CACNA1E: variants seen among roughly 807,000 people sequenced by gnomAD.
The protein encoded by CACNA1E is calcium voltage-gated channel subunit alpha1 E.
Under a neutral mutation model 259.2 loss-of-function variants are expected in CACNA1E, and 40 were observed. The ratio of observed to expected loss-of-function variants is 0.15; its 90% CI spans 0.12 to 0.20. The LOEUF (loss-of-function observed/expected upper bound fraction) is 0.20. Ranked by LOEUF, CACNA1E falls within the 10% of genes least tolerant of loss-of-function variation. The pLI is 1.00. For missense variants in CACNA1E, 1,874 were observed against 3,040.1 expected (o/e 0.62, Z 9.02); for synonymous variants, 1,104 against 1,138.5 (o/e 0.97, Z 0.61).
chr1:181,591,922 C>G (rs2103026537), intron 6 of CACNA1E, among the ~76,000 whole-genome samples: 1 of 152,336 alleles, frequency 6.6e-6, no homozygotes, highest in South Asian at 2.1e-4. Context: ...CTAGGATAGA[C>G]AAAGCATCTT....
chr1:181,366,619 C>CT (rs1397310025), intron 1 of CACNA1E, among the ~76,000 whole-genome samples: 1 of 152,186 alleles, frequency 6.6e-6, no homozygotes, highest in Non-Finnish European at 1.5e-5. Flanking sequence ...CATCCTGGCA[C>CT]TTTAGTGGGC....
At chr1:181,483,501 C>CT (rs111237511), upstream of CACNA1E, 7,541 of 210,186 alleles carry the variant, frequency 0.036, 62 homozygotes, top group African/African-American at 0.049. Context: ...TTTCTTTTTT[C>CT]TTTTTTTTTT....
intron 3 of CACNA1E, among the ~76,000 whole-genome samples, chr1:181,558,593 G>A (rs1488027723): frequency 6.6e-6 from 1 of 152,150 alleles, no homozygotes; most frequent in Admixed American, 6.6e-5. Flanking sequence ...GTGAAAGCTG[G>A]GCACCTGCAG....
In CACNA1E at chr1:181,536,710, G is replaced by A. The variant is rs113684014; in HGVS notation, c.512+25200G>A. Among the ~76,000 whole-genome samples, 1,428 of 152,324 alleles carry A rather than the reference G, an allele frequency of 9.4e-3. 28 individuals carry two copies. The highest frequency in any genetic ancestry group is 0.032 in the African/African-American group (1,348 of 41,568). On this transcript the variant is annotated intron_variant, in intron 3 of 47. Coordinates refer to ENST00000367573, the MANE Select transcript of CACNA1E (RefSeq NM_001205293.3). ...AAGCTAATAGTCTGGCAAGGGTATA[G>A]AAGTGGTGAGACCTGCTGCTGGATG...
chr1:181,736,299 C>G lies in CACNA1E; in HGVS notation c.3287C>G (p.Ala1096Gly). 1 of 1,597,318 alleles carries G rather than the reference C, an allele frequency of 6.3e-7. No individual in the cohort carries two copies. Among genetic ancestry groups the G allele is most frequent in the Non-Finnish European group, 8.5e-7 (1 of 1,171,598 alleles). Residue 1096 changes from alanine to glycine, a missense_variant, in exon 22 of 48, where the codon GCC becomes GGC. Transcript: ENST00000367573. ...GTTAGCAACAAGACGGATGGGGAAG[C>G]CAGTCCCTTGAAGGAGGCAGAGATC... is the stretch of plus-strand genomic sequence containing the variant. Reference protein sequence around the residue: ...VHISNKTDGEASPLKEAEIRE... With the variant: ...VHISNKTDGEGSPLKEAEIRE...
rs1662291590 is a variant in CACNA1E at position 181,801,765 on chromosome 1, T to G, written c.*2931T>G. The G allele has an allele frequency of 6.6e-6, 1 of 152,164 alleles. No homozygotes were observed. Among genetic ancestry groups the G allele is most frequent in the Non-Finnish European group, 1.5e-5 (1 of 68,032 alleles). The allele number at this position is 152,164 out of a possible 1,614,324, so 9.4% of individuals were successfully genotyped here. A position where few individuals can be genotyped will look rare whatever the true frequency, so the allele number is the denominator to read the frequency against. The stretch of plus-strand genomic sequence containing the variant: ...TGCAAAAGAAGACTACAACCAGTGT[T>G]TCAGATATACCACAAGATCAAATTT... On this transcript the variant is annotated 3_prime_UTR_variant, in exon 48 of 48. Coordinates refer to ENST00000367573, the MANE Select transcript of CACNA1E (RefSeq NM_001205293.3).
intron 12 of CACNA1E, among the ~76,000 whole-genome samples, chr1:181,719,089 A>T (rs1270647433): frequency 2.0e-5 from 3 of 152,254 alleles, no homozygotes; most frequent in Non-Finnish European, 4.4e-5. Flanking sequence ...CTAGTGAGAG[A>T]TCACTTTAAC....
At chr1:181,442,948 C>T (rs541255744) in intron 2 of CACNA1E, among the ~76,000 whole-genome samples, 4 of 152,214 alleles carry the variant, frequency 2.6e-5, no homozygotes, top group Admixed American at 1.3e-4. Context: ...CCTGGTCACC[C>T]GGCCTCTCTG....
chr1:181,760,809 T>A (rs181418908), intron 32 of CACNA1E, among the ~76,000 whole-genome samples: 1 of 152,340 alleles, frequency 6.6e-6, no homozygotes, highest in African/African-American at 2.4e-5. Context: ...TACACTGCAC[T>A]GTACTATTCT....
intron 1 of CACNA1E, among the ~76,000 whole-genome samples, chr1:181,353,621 C>G (rs1653203240): frequency 6.6e-6 from 1 of 152,064 alleles, no homozygotes; most frequent in African/African-American, 2.4e-5. Flanking sequence ...TGTCAGTGAA[C>G]CATGCATGCT....
At chr1:181,415,901 A>G (rs535429607) in intron 2 of CACNA1E, among the ~76,000 whole-genome samples, 8 of 152,316 alleles carry the variant, frequency 5.3e-5, no homozygotes, top group African/African-American at 1.9e-4. Flanking sequence ...GTTACTGAGC[A>G]AAGAGGGCTT....
intron 1 of CACNA1E, among the ~76,000 whole-genome samples, chr1:181,366,871 T>A (rs1187395743): frequency 6.6e-6 from 1 of 152,212 alleles, no homozygotes; most frequent in Non-Finnish European, 1.5e-5. Context: ...ACCTGTATGA[T>A]CTATAATTCT....
intron 6 of CACNA1E, among the ~76,000 whole-genome samples, chr1:181,645,978 G>A (rs1658232431): frequency 6.6e-6 from 1 of 152,204 alleles, no homozygotes; most frequent in South Asian, 2.1e-4. Flanking sequence ...AGGAGGCCAG[G>A]TATGTGTCTG....
intron 36 of CACNA1E, 26 bp from the exon 37 acceptor site, chr1:181,772,040 C>T (rs1659565646): frequency 6.2e-7 from 1 of 1,609,314 alleles, no homozygotes; most frequent in Non-Finnish European, 8.5e-7. Context: ...GCTGCTCCTG[C>T]TAACCAAAAT....
intron 1 of CACNA1E, among the ~76,000 whole-genome samples, chr1:181,397,752 C>T (rs544937793): frequency 6.6e-6 from 1 of 152,344 alleles, no homozygotes; most frequent in Admixed American, 6.5e-5. Flanking sequence ...TTGTCCTTCC[C>T]TCTCCCTGCT....
chr1:181,677,417 T>C (rs1439559821), intron 7 of CACNA1E, among the ~76,000 whole-genome samples: 2 of 152,222 alleles, frequency 1.3e-5, no homozygotes. Context: ...TTTTAAATGA[T>C]ACAATACAAT....
intron 2 of CACNA1E, among the ~76,000 whole-genome samples, chr1:181,460,268 T>G (rs1257209648): frequency 6.6e-6 from 1 of 152,144 alleles, no homozygotes; most frequent in African/African-American, 2.4e-5. Flanking sequence ...GGAGAATAGA[T>G]TGAAGGAAGG....
chr1:181,384,918 C>A (rs1655731841), intron 1 of CACNA1E, among the ~76,000 whole-genome samples: 1 of 152,120 alleles, frequency 6.6e-6, no homozygotes, highest in Admixed American at 6.5e-5. Flanking sequence ...AGAAATCTTT[C>A]CTGCTTTCCT....
At chr1:181,616,450 C>T (rs981331972) in intron 6 of CACNA1E, among the ~76,000 whole-genome samples, 1 of 152,106 alleles carries the variant, frequency 6.6e-6, no homozygotes, top group African/African-American at 2.4e-5. Context: ...GACAGTGGCT[C>T]ACTCCTATAA....
Sources: allele counts gnomAD v4.1 joint callset (sites outside exome capture counted in the v4.1 genomes callset), GRCh38; gene constraint gnomAD v4.1.1; transcripts MANE v1.5; gene names NCBI Gene and HGNC (gene_info 2026-07-23, HGNC 2026-07-21).